The following FOSL1 variants were observed in gnomAD, a reference collection of about 807,000 sequenced individuals.
FOSL1 encodes FOS like 1, AP-1 transcription factor subunit, also known as fos-related antigen 1.
FOSL1 carries 14 observed loss-of-function variants against 24.9 expected under a neutral mutation model. The observed-to-expected ratio is 0.56, with a 90% CI of 0.37 to 0.88. The LOEUF (loss-of-function observed/expected upper bound fraction) is 0.88. Ranked by LOEUF, FOSL1 falls within the 40% of genes least tolerant of loss-of-function variation. The probability of loss-of-function intolerance (pLI) is 0.00; values close to 1 mark genes in which losing one functional copy is unlikely to be tolerated. For synonymous variants in FOSL1, 133 were observed against 145.1 expected (o/e 0.92, Z 0.60); for missense variants, 318 against 359.8 (o/e 0.88, Z 0.94).
At chr11:65,899,188 C>G (rs1000469488) in intron 1 of FOSL1, among the ~76,000 whole-genome samples, 1 of 152,280 alleles carries the variant, frequency 6.6e-6, no homozygotes, top group African/African-American at 2.4e-5. Context: ...AGCTCTGCCG[C>G]TGGGCCCTGG....
intron 1 of FOSL1, 65 bp downstream of exon 1, chr11:65,900,176 G>A (rs1591092075): frequency 6.4e-6 from 5 of 786,602 alleles, no homozygotes; most frequent in Non-Finnish European, 6.9e-6. Context: ...GGAGCGTGCG[G>A]GAGTTGACCC....
At position 65,896,978 on chromosome 11, in the gene FOSL1, G is replaced by A; in HGVS notation, c.128C>T (p.Thr43Ile). The change falls in exon 2 of 4, where the codon ACC (threonine) becomes ATC (isoleucine). Residue 43 changes from threonine (T) to isoleucine (I), a missense_variant. Transcript: ENST00000312562. ...CTGCAGCTCCTGACTGCCACTCATG[G>A]TGTTGATGCTTGGCACCAGGTGGAA... is the stretch of plus-strand genomic sequence containing the variant. The part of the protein sequence containing the change: ...QKFHLVPSIN[T>I]MSGSQELQWM... 6 of 1,614,158 alleles carry A rather than the reference G, an allele frequency of 3.7e-6. No individual in the cohort carries two copies. The highest frequency in any genetic ancestry group is 4.2e-6 in the Non-Finnish European group (5 of 1,179,976).
chr11:65,893,562 G>A (rs187995985), intron 3 of FOSL1, among the ~76,000 whole-genome samples: 1 of 152,256 alleles, frequency 6.6e-6, no homozygotes, highest in East Asian at 1.9e-4. Context: ...AGGCTGAGGC[G>A]GGCGGATCAC....
chr11:65,895,165 C>T (rs981275457), intron 2 of FOSL1, among the ~76,000 whole-genome samples: 1 of 149,078 alleles, frequency 6.7e-6, no homozygotes, highest in African/African-American at 2.5e-5. Flanking sequence ...ACTCTGTTGC[C>T]CAGGCTGGAG....
chr11:65,897,382 C>T (rs886775420), intron 1 of FOSL1, among the ~76,000 whole-genome samples: 1 of 151,116 alleles, frequency 6.6e-6, no homozygotes, highest in African/African-American at 2.4e-5. Context: ...CTCTGTTGCC[C>T]AGGCTGGAGT....
upstream of FOSL1, chr11:65,900,457 G>A: frequency 2.0e-6 from 1 of 506,528 alleles, no homozygotes; most frequent in Non-Finnish European, 3.1e-6. Context: ...TGCGACCGCG[G>A]GGGGTGGGGG....
chr11:65,896,778 T>G, intron 2 of FOSL1, 31 bp downstream of exon 2: 1 of 1,547,660 alleles, frequency 6.5e-7, no homozygotes. Flanking sequence ...CTGGGCGGGG[T>G]CGGAACCACT....
At chr11:65,894,272 C>T in intron 2 of FOSL1, 151 bp from the exon 3 acceptor site, 1 of 620,158 alleles carries the variant, frequency 1.6e-6, no homozygotes, top group Admixed American at 2.8e-5. Flanking sequence ...AACCAGTTCC[C>T]TGCACTGAGG....
At position 65,894,292 on chromosome 11, in the gene FOSL1, CTT is replaced by C. The variant is rs1198343464; in HGVS notation, c.298-173_298-172del. On this transcript the variant is annotated intron_variant, in intron 2 of 3. Coordinates refer to ENST00000312562, the MANE Select transcript of FOSL1 (RefSeq NM_005438.5). ...GTTCCCTGCACTGAGGCGCTGTCTGCTTTGATTGGTAAAATTTCCTCCTCGCA... is the reference window on the plus strand; with the variant it reads ...GTTCCCTGCACTGAGGCGCTGTCTGCTGATTGGTAAAATTTCCTCCTCGCA... 7.9e-5 allele frequency among the ~76,000 whole-genome samples: 12 copies of C among 152,286 alleles called. No individual in the cohort carries two copies. The East Asian group carries it at 1.9e-3, about 24-fold the overall frequency.
At position 65,892,875 on chromosome 11, in the gene FOSL1, G is replaced by A. The variant is rs1264462063; in HGVS notation, c.*11C>T. The A allele has an allele frequency of 6.2e-7, 1 of 1,608,972 alleles. No homozygotes were observed. The highest frequency in any genetic ancestry group is 1.1e-5 in the South Asian group (1 of 90,494). On this transcript the variant is annotated 3_prime_UTR_variant, in exon 4 of 4. Coordinates refer to ENST00000312562, the MANE Select transcript of FOSL1 (RefSeq NM_005438.5). ...TAGGGTGGCATCTGCAGGGAGTAGG[G>A]CTCAGGCGCCTCACAAAGCGAGGAG...
chr11:65,899,384 GGTGACTCAGCCGCC>G (rs1425515121), intron 1 of FOSL1, among the ~76,000 whole-genome samples: 1 of 152,220 alleles, frequency 6.6e-6, no homozygotes, highest in Non-Finnish European at 1.5e-5. Flanking sequence ...GGACGCCCCG[GGTGACTCAGCCGCC>G]GTGACTCGGC....
chr11:65,899,262 C>G (rs762372800), intron 1 of FOSL1, among the ~76,000 whole-genome samples: 54 of 152,134 alleles, frequency 3.5e-4, no homozygotes, highest in Non-Finnish European at 6.6e-4. Context: ...AGCGGTAGCC[C>G]GAGCCCAAGC....
chr11:65,896,082 T>A (rs899203282), intron 2 of FOSL1, among the ~76,000 whole-genome samples: 16 of 152,236 alleles, frequency 1.1e-4, no homozygotes, highest in East Asian at 9.6e-4. Flanking sequence ...CCCAACCTAG[T>A]CTTGAACTCC....
In FOSL1 at chr11:65,892,075, T is replaced by C. The variant is rs1860397741; in HGVS notation, c.*811A>G. ...AGTCCCGGAGATGAGGCCGAGCGGATGTAGCCCCACTTGTCAGATAAGACA... is the reference window on the plus strand; with the variant it reads ...AGTCCCGGAGATGAGGCCGAGCGGACGTAGCCCCACTTGTCAGATAAGACA... On this transcript the variant is annotated 3_prime_UTR_variant, in exon 4 of 4. Coordinates refer to ENST00000312562, the MANE Select transcript of FOSL1 (RefSeq NM_005438.5). 1 of 156,350 alleles carries C rather than the reference T, an allele frequency of 6.4e-6. No individual in the cohort carries two copies. The highest frequency in any genetic ancestry group is 1.4e-5 in the Non-Finnish European group (1 of 70,516). The allele number at this position is 156,350 out of a possible 1,614,324, so 9.7% of individuals were successfully genotyped here.
Position 65,894,240 on chromosome 11 carries a change from T to A in FOSL1, c.298-119A>T, listed in dbSNP as rs936947286. 60 of 693,430 alleles carry A rather than the reference T, an allele frequency of 8.7e-5. 1 individual carries two copies. In the South Asian group the frequency reaches 1.0e-3, roughly 12 times the overall value. 43.0% of individuals were successfully genotyped at this position (693,430 alleles called of 1,614,324 possible). On this transcript the variant is annotated intron_variant, in intron 2 of 3. Transcript: ENST00000312562. ...GTCATGGCAGGGCCCCCTCAGCCGG[T>A]GATTTAGGGATCACTGCACCCAACC... is the stretch of plus-strand genomic sequence containing the variant.
chr11:65,897,791 G>A (rs1056323837), intron 1 of FOSL1, among the ~76,000 whole-genome samples: 2 of 152,078 alleles, frequency 1.3e-5, no homozygotes, highest in Non-Finnish European at 2.9e-5. Flanking sequence ...AATCAGGTGA[G>A]AGAATGTGTG....
intron 3 of FOSL1, among the ~76,000 whole-genome samples, chr11:65,893,713 C>T (rs538142752): frequency 6.6e-6 from 1 of 152,132 alleles, no homozygotes; most frequent in South Asian, 2.1e-4. Flanking sequence ...ATTGCTGGAG[C>T]CTGGGAGACA....
chr11:65,898,043 C>CCGTTTTTTTTTTTTTTTTTT lies in FOSL1; in HGVS notation c.100-1038_100-1037insAAAAAAAAAAAAAAAAAACG, dbSNP rs1416098633. Reference sequence around the variant, plus strand: ...ATTTGGCTAATTTTTTTTTTCTTTTCTGTTTTTTTTTTTTTGAGACACAGT... The same window carrying CCGTTTTTTTTTTTTTTTTTT: ...ATTTGGCTAATTTTTTTTTTCTTTTCCGTTTTTTTTTTTTTTTTTTTGTTTTTTTTTTTTTGAGACACAGT... On this transcript the variant is annotated intron_variant, in intron 1 of 3. Transcript: ENST00000312562. Among the ~76,000 whole-genome samples the CCGTTTTTTTTTTTTTTTTTT allele has an allele frequency of 5.0e-5, 4 of 79,588 alleles. 1 individual carries two copies. The highest frequency in any genetic ancestry group is 1.7e-4 in the Admixed American group (1 of 5,804). The allele number at this position is 79,588 out of a possible 152,430, so 52.2% of individuals were successfully genotyped here.
chr11:65,893,203 C>T lies in FOSL1; in HGVS notation c.499G>A (p.Ala167Thr), dbSNP rs1860436652. 6.2e-7 allele frequency: 1 copy of T among 1,613,952 alleles called. No individual in the cohort carries two copies. Among genetic ancestry groups the T allele is most frequent in the Admixed American group, 1.7e-5 (1 of 60,002 alleles). The change falls in exon 4 of 4, where the codon GCC (alanine) becomes ACC (threonine). Residue 167 changes from alanine (A) to threonine (T), a missense_variant. Coordinates refer to ENST00000312562, the MANE Select transcript of FOSL1 (RefSeq NM_005438.5). ...GGGATTTTGCAGATGGGTCGGTGGG[C>T]TTCCAGCACCAGCTCTAGGCGCTCC... ...QKERLELVLE[A>T]HRPICKIPEG...
Sources: gnomAD v4.1 joint callset for allele counts (sites outside exome capture counted in the v4.1 genomes callset) on GRCh38, gnomAD v4.1.1 for gene constraint, MANE v1.5 for transcripts, NCBI Gene and HGNC (gene_info 2026-07-23, HGNC 2026-07-21) for gene names.